Variants in ZNF626 observed in about 807,000 individuals in gnomAD.
ZNF626 encodes zinc finger protein 626, also known as CTC-513N18.7.
A neutral mutation model predicts 11.7 loss-of-function variants in ZNF626; 4 were observed. The ratio of observed to expected loss-of-function variants is 0.34; its 90% CI spans 0.17 to 0.78. The LOEUF (loss-of-function observed/expected upper bound fraction) is 0.78. ZNF626 is among the 30% of genes least tolerant of loss of function. The pLI, the probability that ZNF626 is intolerant of heterozygous loss-of-function variation, is 0.57. For synonymous variants in ZNF626, 179 were observed against 198.6 expected, an observed-to-expected ratio of 0.90 and a Z score of 0.83; for missense variants, 588 against 587.1, an observed-to-expected ratio of 1.00 and a Z score of -0.01.
At chr19:20,661,087 G>A (rs8103206) in intron 1 of ZNF626, among the ~76,000 whole-genome samples, 5,494 of 152,270 alleles carry the variant, frequency 0.036, 317 homozygotes, top group African/African-American at 0.12. Flanking sequence ...AAACCCAAAG[G>A]AACAAAGCTC....
chr19:20,637,527 T>C (rs1370923444), intron 3 of ZNF626, among the ~76,000 whole-genome samples: 1 of 150,842 alleles, frequency 6.6e-6, no homozygotes, highest in Non-Finnish European at 1.5e-5. Context: ...TAATATACCA[T>C]ATAAAATAAT....
intron 3 of ZNF626, among the ~76,000 whole-genome samples, chr19:20,643,654 T>A (rs947750865): frequency 6.6e-6 from 1 of 152,058 alleles, no homozygotes. Flanking sequence ...CATATCCCCT[T>A]ATAGCAAAAA....
At chr19:20,638,748 A>T (rs1204743870) in intron 3 of ZNF626, among the ~76,000 whole-genome samples, 11 of 152,098 alleles carry the variant, frequency 7.2e-5, no homozygotes, top group Non-Finnish European at 4.4e-5. Flanking sequence ...CTATATGTAT[A>T]TGTGTATATA....
chr19:20,629,391 A>G (rs1448108016), intron 3 of ZNF626, among the ~76,000 whole-genome samples: 1 of 152,148 alleles, frequency 6.6e-6, no homozygotes, highest in Middle Eastern at 3.2e-3. Context: ...TATTTTCACG[A>G]TATTGATTCT....
chr19:20,656,619 G>C (rs1238889311), intron 1 of ZNF626, among the ~76,000 whole-genome samples: 8 of 151,014 alleles, frequency 5.3e-5, no homozygotes, highest in Non-Finnish European at 1.0e-4. Context: ...TCATTAAAAA[G>C]TAGGCAAATA....
intron 3 of ZNF626, among the ~76,000 whole-genome samples, chr19:20,640,399 G>A (rs781456251): frequency 6.6e-6 from 1 of 151,202 alleles, no homozygotes; most frequent in African/African-American, 2.4e-5. Context: ...AAATGAAACA[G>A]AAAAGTTTAC....
chr19:20,658,864 A>C (rs1970233775), intron 1 of ZNF626, among the ~76,000 whole-genome samples: 1 of 152,178 alleles, frequency 6.6e-6, no homozygotes, highest in African/African-American at 2.4e-5. Flanking sequence ...CTACTGTTTG[A>C]AAACTGAGGA....
intron 1 of ZNF626, among the ~76,000 whole-genome samples, chr19:20,659,088 G>A (rs1470935622): frequency 1.3e-5 from 2 of 152,150 alleles, no homozygotes; most frequent in Admixed American, 1.3e-4. Context: ...CCTTTTGTGT[G>A]CTCCAGGAAC....
At chr19:20,627,903 G>A (rs9304971) in intron 3 of ZNF626, among the ~76,000 whole-genome samples, 82,959 of 152,062 alleles carry the variant, frequency 0.55, 25,357 homozygotes, top group African/African-American at 0.83. Flanking sequence ...AGCATTAGGT[G>A]TATCTCCCAA....
chr19:20,661,027 G>A (rs567441662), intron 1 of ZNF626, among the ~76,000 whole-genome samples: 1 of 152,238 alleles, frequency 6.6e-6, no homozygotes, highest in African/African-American at 2.4e-5. Flanking sequence ...ACAGGCGTGA[G>A]CCACAGCGTC....
chr19:20,635,829 C>T (rs981740853), intron 3 of ZNF626, among the ~76,000 whole-genome samples: 1 of 151,968 alleles, frequency 6.6e-6, no homozygotes, highest in Non-Finnish European at 1.5e-5. Context: ...CTCACCTAGA[C>T]AGGATTAAAA....
rs190906474 is a variant in ZNF626, at chr19:20,658,700, T to G, written c.3+2744A>C. On this transcript the variant is annotated intron_variant, in intron 1 of 3. Coordinates refer to ENST00000601440, the MANE Select transcript of ZNF626 (RefSeq NM_001076675.3). ...CCAAATCTATAGAGTTTGCTGAATA[T>G]CAAACAATTCTCCAACACCAACTCA... Among the ~76,000 whole-genome samples, 76 of 152,190 alleles carry G rather than the reference T, an allele frequency of 5.0e-4. 1 individual carries two copies. Among genetic ancestry groups the G allele is most frequent in the African/African-American group, 1.8e-3 (75 of 41,530 alleles).
intron 1 of ZNF626, among the ~76,000 whole-genome samples, chr19:20,649,399 T>C (rs1237995591): frequency 1.3e-5 from 2 of 152,182 alleles, no homozygotes; most frequent in African/African-American, 4.8e-5. Flanking sequence ...CAGCCATTTC[T>C]GCTACAGTAA....
In ZNF626 at chr19:20,622,146, G is replaced by A. The variant is rs77355912; in HGVS notation, c.*2144C>T. On this transcript the variant is annotated 3_prime_UTR_variant, in exon 4 of 4. Transcript: ENST00000601440. ...AGGTTGCAGTCATTGTGCTGAGACT[G>A]CACTGCTGCCCTCCAGCCTGGGTGA... 0.078 allele frequency: 11,924 copies of A among 152,254 alleles called. 514 individuals carry two copies. The highest frequency in any genetic ancestry group is 0.13 in the South Asian group (650 of 4,828). The allele number at this position is 152,254 out of a possible 1,614,324, so 9.4% of individuals were successfully genotyped here. A position where few individuals can be genotyped will look rare whatever the true frequency, so the allele number is the denominator to read the frequency against.
chr19:20,650,237 C>A (rs1480155504), intron 1 of ZNF626, among the ~76,000 whole-genome samples: 1 of 142,080 alleles, frequency 7.0e-6, no homozygotes. Flanking sequence ...TCTCTGCCAT[C>A]AAATTTGTTA....
At chr19:20,625,686 G>T in intron 3 of ZNF626, 36 bp from the exon 4 acceptor site, 2 of 1,501,828 alleles carry the variant, frequency 1.3e-6, no homozygotes, top group Non-Finnish European at 8.9e-7. Flanking sequence ...ACTTCAATTG[G>T]TAGACTCAGA....
Position 20,625,541 on chromosome 19 carries a change from C to T in ZNF626, c.336G>A (p.Gln112=), listed in dbSNP as rs180881373. 2 of 1,613,272 alleles carry T rather than the reference C, an allele frequency of 1.2e-6. No homozygotes were observed. Among genetic ancestry groups the T allele is most frequent in the East Asian group, 2.2e-5 (1 of 44,856 alleles). The change falls in exon 4 of 4, where the codon CAG becomes CAA. Residue 112 remains glutamine, a synonymous_variant. Coordinates refer to ENST00000601440, the MANE Select transcript of ZNF626 (RefSeq NM_001076675.3). ...CCACACTTATACATCCTTTTTTTAA[C>T]TGTAAATTGTCATGTTCACATTTTT... is the stretch of plus-strand genomic sequence containing the variant. ...RYEKCEHDNL[Q]LKKGCISVDE... is the part of the protein sequence containing the mutation.
chr19:20,650,760 T>G (rs1057390013), intron 1 of ZNF626, among the ~76,000 whole-genome samples: 1 of 152,214 alleles, frequency 6.6e-6, no homozygotes, highest in African/African-American at 2.4e-5. Flanking sequence ...CCAGAGTCTG[T>G]GTAATTTTAA....
intron 3 of ZNF626, chr19:20,645,180 A>G (rs1327107047): frequency 2.8e-6 from 3 of 1,074,246 alleles, no homozygotes; most frequent in Middle Eastern, 3.6e-4. Context: ...GAAGGATGTC[A>G]TAATTTCAAA....
Sources: allele counts gnomAD v4.1 joint callset (sites outside exome capture counted in the v4.1 genomes callset), GRCh38; gene constraint gnomAD v4.1.1; transcripts MANE v1.5; gene names NCBI Gene and HGNC (gene_info 2026-07-23, HGNC 2026-07-21).